The following HBS1L variants were observed in gnomAD, a reference collection of about 807,000 sequenced individuals.
The protein encoded by HBS1L is HBS1 like translational GTPase.
Under a neutral mutation model 88.9 loss-of-function variants are expected in HBS1L, and 55 were observed. That is an observed-to-expected ratio of 0.62 (90% CI 0.50 to 0.77). The LOEUF is 0.77. HBS1L is among the 30% of genes least tolerant of loss of function. The pLI, the probability that HBS1L is intolerant of heterozygous loss-of-function variation, is 0.00. For synonymous variants in HBS1L, 267 were observed against 288.5 expected (o/e 0.93, Z 0.76); for missense variants, 741 against 829.3 (o/e 0.89, Z 1.31).
rs368649553 is a variant in HBS1L at position 135,033,125 on chromosome 6, A to G, written c.430+6448T>C. 5.9e-5 allele frequency among the ~76,000 whole-genome samples: 9 copies of G among 152,282 alleles called. No homozygotes were observed. In the South Asian group the frequency reaches 1.0e-3, roughly 18 times the overall value. On this transcript the variant is annotated intron_variant, in intron 4 of 17. Coordinates refer to ENST00000367837, the MANE Select transcript of HBS1L (RefSeq NM_006620.4). ...AGAGTGAAGAGCAAAAATTGTTTAT[A>G]ATGTATTTTATATCATTTAGAATAT...
intron 4 of HBS1L, among the ~76,000 whole-genome samples, chr6:135,019,953 G>A (rs1485707553): frequency 1.3e-5 from 2 of 151,676 alleles, no homozygotes; most frequent in African/African-American, 4.8e-5. Context: ...GCTTGACAGT[G>A]TATTATGGGG....
chr6:134,975,035 C>A (rs571986010), intron 15 of HBS1L, among the ~76,000 whole-genome samples: 2 of 152,250 alleles, frequency 1.3e-5, no homozygotes, highest in African/African-American at 4.8e-5. Context: ...CCAAACAACA[C>A]CTAGATTTGA....
chr6:135,026,121 T>C (rs1583131001), intron 4 of HBS1L, among the ~76,000 whole-genome samples: 3 of 152,346 alleles, frequency 2.0e-5, no homozygotes, highest in East Asian at 1.9e-4. Context: ...TAAAAATAAC[T>C]AATAAACTGT....
In HBS1L at chr6:135,054,769, T is replaced by C; in HGVS notation, c.-78A>G. 8 of 1,559,236 alleles carry C rather than the reference T, an allele frequency of 5.1e-6. No individual in the cohort carries two copies. Among genetic ancestry groups the C allele is most frequent in the Non-Finnish European group, 6.2e-6 (7 of 1,137,762 alleles). ...GCTTAGATACTGATAAGGCGCCAACTGCAGCCTGGAGAACCCCTATGCGCC... is the reference window on the plus strand; with the variant it reads ...GCTTAGATACTGATAAGGCGCCAACCGCAGCCTGGAGAACCCCTATGCGCC... On this transcript the variant is annotated 5_prime_UTR_variant, in exon 1 of 18. Coordinates refer to ENST00000367837, the MANE Select transcript of HBS1L (RefSeq NM_006620.4).
chr6:134,970,215 C>T (rs1054599920), intron 15 of HBS1L, among the ~76,000 whole-genome samples: 5 of 152,136 alleles, frequency 3.3e-5, no homozygotes, highest in Admixed American at 2.0e-4. Flanking sequence ...TCACTGCAAC[C>T]TCCACCTCCC....
intron 4 of HBS1L, 123 bp downstream of exon 4, chr6:135,039,450 T>C: frequency 1.3e-6 from 1 of 776,390 alleles, no homozygotes. Flanking sequence ...AAGTTAACAA[T>C]AACATGCAAG....
At chr6:134,985,451 T>C (rs373359151) in intron 11 of HBS1L, 42 bp from the exon 12 acceptor site, 1 of 1,353,178 alleles carries the variant, frequency 7.4e-7, no homozygotes, top group Non-Finnish European at 1.0e-6. Context: ...TAATTTAAAA[T>C]TAAATTTTTG....
chr6:135,002,071 T>TTTATTGAACAAC (rs1775478000), intron 5 of HBS1L, among the ~76,000 whole-genome samples: 1 of 80,232 alleles, frequency 1.2e-5, no homozygotes, highest in Non-Finnish European at 2.8e-5. Flanking sequence ...TAAGTAACAA[T>TTTATTGAACAAC]TGAAAATTCT....
chr6:135,049,823 C>T (rs944410511), intron 2 of HBS1L, among the ~76,000 whole-genome samples: 11 of 152,208 alleles, frequency 7.2e-5, no homozygotes, highest in Non-Finnish European at 1.3e-4. Flanking sequence ...CCACCTGCCT[C>T]GGCCTCCCAG....
intron 4 of HBS1L, among the ~76,000 whole-genome samples, chr6:135,015,970 C>T (rs998767003): frequency 4.6e-5 from 7 of 151,096 alleles, no homozygotes; most frequent in African/African-American, 7.3e-5. Flanking sequence ...CTGCAACCTC[C>T]GCCTTCCTGG....
At chr6:134,972,704 G>T (rs1774524502) in intron 15 of HBS1L, among the ~76,000 whole-genome samples, 1 of 152,130 alleles carries the variant, frequency 6.6e-6, no homozygotes, top group African/African-American at 2.4e-5. Context: ...TGTAATAAGG[G>T]ATGATATTAA....
intron 4 of HBS1L, among the ~76,000 whole-genome samples, chr6:135,024,890 G>T (rs553800943): frequency 6.6e-6 from 1 of 152,102 alleles, no homozygotes. Context: ...TGAATTGGGG[G>T]AAAAAAGAGA....
rs1177604758 is a variant in HBS1L at position 134,996,889 on chromosome 6, C to G, written c.853G>C (p.Gly285Arg). 4 of 1,607,436 alleles carry G rather than the reference C, an allele frequency of 2.5e-6. No individual in the cohort carries two copies. The highest frequency in any genetic ancestry group is 2.5e-6 in the Non-Finnish European group (3 of 1,177,538). Residue 285 changes from glycine to arginine, a missense_variant, in exon 7 of 18, where the codon GGT (glycine) becomes CGT (arginine). Physicochemically the swap from Gly to Arg is moderately radical, Grantham distance 125. Coordinates refer to ENST00000367837, the MANE Select transcript of HBS1L (RefSeq NM_006620.4). ...TLMGHMLYLL[G>R]NINKRTMHKY... Reference sequence around the variant, plus strand: ...TGCATAGTTCTTTTGTTTATATTACCCAGAAGATAAAGCATATGGCCCATC... The same window carrying G: ...TGCATAGTTCTTTTGTTTATATTACGCAGAAGATAAAGCATATGGCCCATC...
rs183694856 is a variant in HBS1L, at chr6:135,034,402, G to A, written c.430+5171C>T. ...CTCACACTTGTAATCCCAGCACTTC[G>A]GGAGGCCGAGGTGGGCGGATCATCT... is the stretch of plus-strand genomic sequence containing the variant. On this transcript the variant is annotated intron_variant, in intron 4 of 17. Transcript: ENST00000367837. 2.0e-3 allele frequency among the ~76,000 whole-genome samples: 311 copies of A among 152,292 alleles called. 1 individual carries two copies. Among genetic ancestry groups the A allele is most frequent in the African/African-American group, 7.3e-3 (305 of 41,562 alleles).
intron 2 of HBS1L, among the ~76,000 whole-genome samples, chr6:135,045,563 C>T (rs1776887149): frequency 6.6e-6 from 1 of 152,186 alleles, no homozygotes; most frequent in African/African-American, 2.4e-5. Context: ...TGGCCAGGCA[C>T]AGTGGCTCAT....
intron 4 of HBS1L, among the ~76,000 whole-genome samples, chr6:135,035,154 T>C (rs558990733): frequency 6.6e-6 from 1 of 152,286 alleles, no homozygotes; most frequent in East Asian, 1.9e-4. Flanking sequence ...CCATTACTTA[T>C]TGTAAAGAAC....
chr6:135,011,777 G>A (rs1013398325), intron 4 of HBS1L, among the ~76,000 whole-genome samples: 13 of 151,768 alleles, frequency 8.6e-5, no homozygotes, highest in East Asian at 1.9e-4. Flanking sequence ...GTGGTGGCAC[G>A]CACCTGTAAT....
At chr6:135,047,823 T>C (rs948077101) in intron 2 of HBS1L, among the ~76,000 whole-genome samples, 1 of 152,240 alleles carries the variant, frequency 6.6e-6, no homozygotes, top group African/African-American at 2.4e-5. Context: ...AGGATAGCAC[T>C]ACCAGACATC....
intron 4 of HBS1L, among the ~76,000 whole-genome samples, chr6:135,005,268 T>C (rs556052344): frequency 4.6e-5 from 7 of 152,366 alleles, no homozygotes; most frequent in African/African-American, 1.4e-4. Flanking sequence ...CATTGAAATA[T>C]TAAAGTTTTG....
Sources: gnomAD v4.1 joint callset for allele counts (sites outside exome capture counted in the v4.1 genomes callset) on GRCh38, gnomAD v4.1.1 for gene constraint, MANE v1.5 for transcripts, NCBI Gene and HGNC (gene_info 2026-07-23, HGNC 2026-07-21) for gene names.